Variants in CPA6 observed in about 807,000 individuals in gnomAD.
CPA6 encodes the protein carboxypeptidase A6, also known as carboxypeptidase B.
In CPA6, 58 loss-of-function variants were observed where a neutral mutation model predicts 63.3. The observed-to-expected ratio is 0.92, with a 90% confidence interval of 0.74 to 1.14. The LOEUF is 1.14. CPA6 is among the 50% of genes most tolerant of loss of function. The probability of loss-of-function intolerance (pLI) is 0.00; values close to 1 mark genes in which losing one functional copy is unlikely to be tolerated. For synonymous variants in CPA6, 185 were observed against 179.0 expected (o/e 1.03, Z -0.27); for missense variants, 565 against 526.6 (o/e 1.07, Z -0.71).
At chr8:67,625,358 A>G (rs1177681380) in intron 1 of CPA6, among the ~76,000 whole-genome samples, 3 of 152,224 alleles carry the variant, frequency 2.0e-5, no homozygotes, top group Non-Finnish European at 4.4e-5. Flanking sequence ...TTTGAACACA[A>G]TATAAGGTTC....
intron 2 of CPA6, among the ~76,000 whole-genome samples, chr8:67,554,383 G>T (rs1301921636): frequency 6.6e-6 from 1 of 152,092 alleles, no homozygotes; most frequent in Admixed American, 6.5e-5. Context: ...AAACAACCAG[G>T]TTTCATGAGA....
intron 2 of CPA6, among the ~76,000 whole-genome samples, chr8:67,529,937 CA>C (rs1812444282): frequency 6.6e-6 from 1 of 152,074 alleles, no homozygotes; most frequent in Non-Finnish European, 1.5e-5. Flanking sequence ...TAAAATCTTC[CA>C]ACCAGAGACA....
At chr8:67,583,017 G>A (rs983471301) in intron 2 of CPA6, among the ~76,000 whole-genome samples, 1 of 152,116 alleles carries the variant, frequency 6.6e-6, no homozygotes, top group African/African-American at 2.4e-5. Context: ...TGAAACATGA[G>A]GATCAAGTAT....
chr8:67,627,170 T>C (rs1009942273), intron 1 of CPA6, among the ~76,000 whole-genome samples: 6 of 152,164 alleles, frequency 3.9e-5, no homozygotes, highest in Non-Finnish European at 8.8e-5. Context: ...GTAAATTATA[T>C]TGATGGAATG....
At chr8:67,731,950 T>C (rs1035794692) in intron 1 of CPA6, among the ~76,000 whole-genome samples, 1 of 152,086 alleles carries the variant, frequency 6.6e-6, no homozygotes, top group African/African-American at 2.4e-5. Context: ...AAAGCAGCAA[T>C]GACAAAAAGG....
At chr8:67,546,798 T>C (rs1463281428) in intron 2 of CPA6, among the ~76,000 whole-genome samples, 1 of 152,120 alleles carries the variant, frequency 6.6e-6, no homozygotes, top group Non-Finnish European at 1.5e-5. Context: ...AGACTACAGG[T>C]GTGTGCCACC....
At chr8:67,702,770 T>A (rs1817053281) in intron 1 of CPA6, among the ~76,000 whole-genome samples, 1 of 152,148 alleles carries the variant, frequency 6.6e-6, no homozygotes, top group Non-Finnish European at 1.5e-5. Flanking sequence ...CCACTGTGCA[T>A]GTGGACAGCC....
intron 1 of CPA6, among the ~76,000 whole-genome samples, chr8:67,663,663 G>C (rs1012588266): frequency 1.3e-5 from 2 of 152,084 alleles, no homozygotes; most frequent in Non-Finnish European, 2.9e-5. Context: ...GGGGATAATG[G>C]CTTCCAGCTC....
intron 8 of CPA6, among the ~76,000 whole-genome samples, chr8:67,475,880 TCCTTTCTTTCTTTCTTTC>T (rs1811206905): frequency 6.5e-4 from 28 of 43,284 alleles, no homozygotes; most frequent in African/African-American, 2.3e-3. Flanking sequence ...TCTTTCTTTC[TCCTTTCTTTCTTTCTTTC>T]TTTCTTTCTT....
intron 2 of CPA6, among the ~76,000 whole-genome samples, chr8:67,518,285 A>G (rs142786893): frequency 2.0e-5 from 3 of 152,258 alleles, no homozygotes; most frequent in East Asian, 1.9e-4. Flanking sequence ...AGACCAATAT[A>G]TTAAAGCTAC....
chr8:67,422,493 C>T lies in CPA6; in HGVS notation c.*11G>A. The T allele has an allele frequency of 6.2e-7, 1 of 1,611,640 alleles. No individual in the cohort carries two copies. Among genetic ancestry groups the T allele is most frequent in the Non-Finnish European group, 8.5e-7 (1 of 1,178,460 alleles). ...GAATCCTATGGCAGTTGACCTGAGC[C>T]TTGGGCTGTCTCAGGGACATTTCTT... is the stretch of plus-strand genomic sequence containing the variant. On this transcript the variant is annotated 3_prime_UTR_variant, in exon 11 of 11. Coordinates refer to ENST00000297770, the MANE Select transcript of CPA6 (RefSeq NM_020361.5).
intron 2 of CPA6, among the ~76,000 whole-genome samples, chr8:67,616,519 G>C (rs2128985907): frequency 6.7e-6 from 1 of 148,516 alleles, no homozygotes; most frequent in East Asian, 2.0e-4. Context: ...GTGTGTGTGT[G>C]TGTGTGTGTG....
Position 67,624,227 on chromosome 8 carries a change from G to T in CPA6, c.141C>A (p.Pro47=), listed in dbSNP as rs1236880863. ...YAGDKVIRFI[P]KTEEEAYALK... is the part of the protein sequence containing the mutation. ...GTGCATATGCTTCCTCTTCTGTTTTGGGAATAAATCTTATCACTTTATCAC... is the reference window on the plus strand; with the variant it reads ...GTGCATATGCTTCCTCTTCTGTTTTTGGAATAAATCTTATCACTTTATCAC... Residue 47 remains proline (P), a synonymous_variant, in exon 2 of 11, where the codon CCC becomes CCA. Transcript: ENST00000297770. The T allele has an allele frequency of 5.8e-6, 9 of 1,544,424 alleles. No homozygotes were observed. Among genetic ancestry groups the T allele is most frequent in the African/African-American group, 5.5e-5 (4 of 73,204 alleles).
intron 1 of CPA6, among the ~76,000 whole-genome samples, chr8:67,693,079 C>T (rs867460681): frequency 6.6e-6 from 1 of 152,180 alleles, no homozygotes; most frequent in Non-Finnish European, 1.5e-5. Context: ...CTGATGACTG[C>T]ACAGTATCAA....
chr8:67,675,595 C>T (rs1816453579), intron 1 of CPA6, among the ~76,000 whole-genome samples: 3 of 152,136 alleles, frequency 2.0e-5, no homozygotes, highest in Non-Finnish European at 4.4e-5. Flanking sequence ...TCCATGGGAC[C>T]CTTCTCCTAG....
At chr8:67,593,903 T>C (rs1170733872) in intron 2 of CPA6, among the ~76,000 whole-genome samples, 1 of 149,212 alleles carries the variant, frequency 6.7e-6, no homozygotes, top group Admixed American at 6.7e-5. Flanking sequence ...AATATTGTTA[T>C]GTGTGAATTT....
At chr8:67,589,834 T>C (rs1386002569) in intron 2 of CPA6, among the ~76,000 whole-genome samples, 1 of 152,084 alleles carries the variant, frequency 6.6e-6, no homozygotes, top group Non-Finnish European at 1.5e-5. Flanking sequence ...CTGATTATTA[T>C]AGCAATTGCT....
intron 1 of CPA6, among the ~76,000 whole-genome samples, chr8:67,708,647 C>T (rs1393742872): frequency 2.6e-5 from 4 of 152,160 alleles, no homozygotes; most frequent in Non-Finnish European, 5.9e-5. Context: ...CTCCCTTAGA[C>T]CTGGCTGGAT....
intron 1 of CPA6, among the ~76,000 whole-genome samples, chr8:67,709,090 A>G (rs1817198956): frequency 6.6e-6 from 1 of 152,158 alleles, no homozygotes; most frequent in African/African-American, 2.4e-5. Context: ...TAACTGGTAT[A>G]TAACCTTCCT....
Sources: allele counts gnomAD v4.1 joint callset (sites outside exome capture counted in the v4.1 genomes callset), GRCh38; gene constraint gnomAD v4.1.1; transcripts MANE v1.5; gene names NCBI Gene and HGNC (gene_info 2026-07-23, HGNC 2026-07-21).